The following SDHC variants were observed in gnomAD, a reference collection of about 807,000 sequenced individuals.
The protein encoded by SDHC is succinate dehydrogenase cytochrome b560 subunit, mitochondrial.
A neutral mutation model predicts 22.6 loss-of-function variants in SDHC; 11 were observed. The ratio of observed to expected loss-of-function variants is 0.49; its 90% CI spans 0.31 to 0.81. SDHC has a LOEUF of 0.81. Among genes scored for constraint, SDHC ranks in the 30% least tolerant of loss-of-function variants. The pLI is 0.05. For missense variants in SDHC, 160 were observed against 212.0 expected (o/e 0.75, Z 1.52); for synonymous variants, 80 against 77.8 (o/e 1.03, Z -0.15).
At chr1:161,325,965 C>T (rs746837804) in intron 2 of SDHC, among the ~76,000 whole-genome samples, 50 of 151,926 alleles carry the variant, frequency 3.3e-4, no homozygotes, top group Non-Finnish European at 7.2e-4. Context: ...TTTGGGAGGC[C>T]GAGGCAGGCA....
chr1:161,343,157 G>A (rs1284554035), intron 4 of SDHC, among the ~76,000 whole-genome samples: 2 of 152,178 alleles, frequency 1.3e-5, no homozygotes, highest in African/African-American at 4.8e-5. Flanking sequence ...TGAAGCAGTG[G>A]TGGTATTGGA....
chr1:161,361,703 C>T (rs749836044), intron 5 of SDHC, among the ~76,000 whole-genome samples: 8 of 152,036 alleles, frequency 5.3e-5, no homozygotes, highest in Admixed American at 3.3e-4. Flanking sequence ...ATTAGCCAGG[C>T]GTGGTGGCGT....
chr1:161,352,217 C>T (rs1056101470), intron 4 of SDHC, among the ~76,000 whole-genome samples: 3 of 152,138 alleles, frequency 2.0e-5, no homozygotes, highest in African/African-American at 7.2e-5. Flanking sequence ...ATTTAATTCT[C>T]ATATGTTTTT....
rs555098074 is a variant in SDHC at position 161,324,382 on chromosome 1, G to A, written c.77+712G>A. Among the ~76,000 whole-genome samples the A allele has an allele frequency of 3.9e-5, 6 of 152,352 alleles. No homozygotes were observed. In the East Asian group the frequency reaches 9.6e-4, roughly 24 times the overall value. ...GCCTCGGCTGGGATTATAGGCATGA[G>A]CCATTGCACCTGGACTTTCATGGTG... On this transcript the variant is annotated intron_variant, in intron 2 of 5. Transcript: ENST00000367975.
intron 2 of SDHC, among the ~76,000 whole-genome samples, chr1:161,324,557 T>C (rs913884826): frequency 1.3e-5 from 2 of 152,266 alleles, no homozygotes; most frequent in Admixed American, 6.5e-5. Flanking sequence ...TTGCCAACTG[T>C]TAACATTTTA....
Position 161,328,423 on chromosome 1 carries a change from A to G in SDHC, c.105A>G (p.Lys35=). The G allele has an allele frequency of 6.2e-7, 1 of 1,613,838 alleles. No homozygotes were observed. Among genetic ancestry groups the G allele is most frequent in the Non-Finnish European group, 8.5e-7 (1 of 1,179,752 alleles). ...CTGTTCCTTTGGGAACCACGGCCAA[A>G]GAAGAGATGGAGCGGTTCTGGAATA... ...RNAVPLGTTA[K]EEMERFWNKN... The change falls in exon 3 of 6, where the codon AAA becomes AAG. Residue 35 remains lysine, a synonymous_variant. Coordinates refer to ENST00000367975, the MANE Select transcript of SDHC (RefSeq NM_003001.5).
chr1:161,342,488 G>T (rs922034518), intron 4 of SDHC, among the ~76,000 whole-genome samples: 11 of 151,718 alleles, frequency 7.3e-5, no homozygotes, highest in African/African-American at 2.7e-4. Flanking sequence ...TTTCTCTCCT[G>T]TGGATAGTTC....
intron 1 of SDHC, among the ~76,000 whole-genome samples, chr1:161,323,155 C>T (rs1212439940): frequency 6.6e-6 from 1 of 152,026 alleles, no homozygotes; most frequent in East Asian, 1.9e-4. Flanking sequence ...TGCGCCACCA[C>T]GCCTGGCTAA....
At chr1:161,324,107 G>C (rs918464634) in intron 2 of SDHC, among the ~76,000 whole-genome samples, 1 of 152,108 alleles carries the variant, frequency 6.6e-6, no homozygotes, top group South Asian at 2.1e-4. Flanking sequence ...TTAAGTAATT[G>C]TGGTGACTAT....
chr1:161,352,931 C>T (rs1328045014), intron 4 of SDHC, among the ~76,000 whole-genome samples: 3 of 152,060 alleles, frequency 2.0e-5, no homozygotes, highest in South Asian at 2.1e-4. Flanking sequence ...CAGCTGAGAT[C>T]GTGCCACCGC....
chr1:161,358,265 A>G (rs1672359557), intron 5 of SDHC, among the ~76,000 whole-genome samples: 1 of 150,600 alleles, frequency 6.6e-6, no homozygotes, highest in South Asian at 2.1e-4. Flanking sequence ...CCAGCCTTAC[A>G]GGTGCCTGCC....
At chr1:161,317,529 T>TTGTGTG (rs138977321) in intron 1 of SDHC, among the ~76,000 whole-genome samples, 58 of 132,068 alleles carry the variant, frequency 4.4e-4, no homozygotes, top group African/African-American at 1.8e-3. Context: ...TGCCTTGGTT[T>TTGTGTG]TGTGTGTGTG....
intron 3 of SDHC, among the ~76,000 whole-genome samples, chr1:161,329,460 T>A (rs1247712392): frequency 6.6e-6 from 1 of 152,028 alleles, no homozygotes; most frequent in African/African-American, 2.4e-5. Context: ...GCCTCCTGAG[T>A]AGCTGGGATT....
At chr1:161,339,521 C>CGAAAG (rs1375322625) in intron 3 of SDHC, 26 of 1,174,764 alleles carry the variant, frequency 2.2e-5, no homozygotes, top group Non-Finnish European at 2.8e-5. Flanking sequence ...TTTCTCCTTG[C>CGAAAG]GAAAGGAGTT....
intron 3 of SDHC, among the ~76,000 whole-genome samples, chr1:161,339,069 C>T (rs1271997281): frequency 2.0e-5 from 3 of 152,088 alleles, no homozygotes; most frequent in Admixed American, 6.5e-5. Flanking sequence ...AGCCTGGTCT[C>T]GAACACCTGA....
Position 161,363,185 on chromosome 1 carries a change from T to C in SDHC, c.*752T>C, listed in dbSNP as rs951890964. 1 of 233,786 alleles carries C rather than the reference T, an allele frequency of 4.3e-6. No homozygotes were observed. Among genetic ancestry groups the C allele is most frequent in the African/African-American group, 2.2e-5 (1 of 45,468 alleles). The allele number at this position is 233,786 out of a possible 1,614,324, so 14.5% of individuals were successfully genotyped here. A position where few individuals can be genotyped will look rare whatever the true frequency, so the allele number is the denominator to read the frequency against. ...TCTGAAACTGAATTAAATACTCATT[T>C]TATCTTTGACTCTCCTTGAAATCTA... On this transcript the variant is annotated 3_prime_UTR_variant, in exon 6 of 6. Transcript: ENST00000367975.
intron 2 of SDHC, among the ~76,000 whole-genome samples, chr1:161,326,062 C>T (rs868589658): frequency 2.0e-5 from 3 of 151,944 alleles, no homozygotes; most frequent in Non-Finnish European, 4.4e-5. Flanking sequence ...ATTAGCTGGG[C>T]GCGGTGGCAT....
intron 3 of SDHC, among the ~76,000 whole-genome samples, chr1:161,329,167 A>G (rs1196793834): frequency 6.6e-6 from 1 of 152,098 alleles, no homozygotes; most frequent in Non-Finnish European, 1.5e-5. Flanking sequence ...CGGCCTCCCA[A>G]AGTGCTGGGA....
At chr1:161,322,476 T>C (rs940297603) in intron 1 of SDHC, among the ~76,000 whole-genome samples, 1 of 152,214 alleles carries the variant, frequency 6.6e-6, no homozygotes, top group Non-Finnish European at 1.5e-5. Context: ...GGAGTTTGAC[T>C]GATGTTAGTT....
Sources: gnomAD v4.1 joint callset for allele counts (sites outside exome capture counted in the v4.1 genomes callset) on GRCh38, gnomAD v4.1.1 for gene constraint, MANE v1.5 for transcripts, NCBI Gene and HGNC (gene_info 2026-07-23, HGNC 2026-07-21) for gene names.